Variants in SSBP3 observed in about 807,000 individuals in gnomAD.
SSBP3 encodes single stranded DNA binding protein 3, also known as single-stranded DNA-binding protein 3.
A neutral mutation model predicts 69.6 loss-of-function variants in SSBP3; 5 were observed. The observed-to-expected ratio is 0.07, with a 90% CI of 0.04 to 0.15. The LOEUF (loss-of-function observed/expected upper bound fraction) is 0.15, where lower values mean the gene tolerates loss of function less well. Among genes scored for constraint, SSBP3 ranks in the 10% least tolerant of loss-of-function variants. The probability of loss-of-function intolerance (pLI) is 1.00; values close to 1 mark genes in which losing one functional copy is unlikely to be tolerated. For missense variants in SSBP3, 312 were observed against 534.0 expected, an observed-to-expected ratio of 0.58 and a Z score of 4.10; for synonymous variants, 196 against 193.4, an observed-to-expected ratio of 1.01 and a Z score of -0.11.
chr1:54,401,777 C>G, intron 4 of SSBP3, 84 bp downstream of exon 4: 1 of 1,166,110 alleles, frequency 8.6e-7, no homozygotes, highest in Non-Finnish European at 1.3e-6. Context: ...CCACTGCGAA[C>G]TGGCTGTGTT....
chr1:54,308,907 CA>C (rs36005529), intron 4 of SSBP3, among the ~76,000 whole-genome samples: 87 of 144,722 alleles, frequency 6.0e-4, no homozygotes, highest in Non-Finnish European at 6.6e-4. Flanking sequence ...ACCTCCCCTG[CA>C]AAAAAAAAAA....
Position 54,378,169 on chromosome 1 carries a change from C to T in SSBP3, c.276+23692G>A, listed in dbSNP as rs1569988802. ...GGTGCCAGAGTTCCCATTTTTATAA[C>T]AAATGAACTGAATCCAGCCCAACTT... On this transcript the variant is annotated intron_variant, in intron 4 of 17. Coordinates refer to ENST00000610401, the Ensembl canonical transcript of SSBP3. Among the ~76,000 whole-genome samples, 3 of 152,318 alleles carry T rather than the reference C, an allele frequency of 2.0e-5. No homozygotes were observed. In the East Asian group the frequency reaches 5.8e-4, roughly 29 times the overall value.
Position 54,318,486 on chromosome 1 carries a change from A to G in SSBP3, c.277-36959T>C, listed in dbSNP as rs535092972. On this transcript the variant is annotated intron_variant, in intron 4 of 17. Transcript: ENST00000610401. ...CTTAACTGAGAAAGCAGCTTGAGCC[A>G]ATTCTGCTTTCCTCACAGACACCAA... Among the ~76,000 whole-genome samples, 8 of 152,144 alleles carry G rather than the reference A, an allele frequency of 5.3e-5. No individual in the cohort carries two copies. The East Asian group carries it at 1.4e-3, about 26-fold the overall frequency.
intron 4 of SSBP3, among the ~76,000 whole-genome samples, chr1:54,362,129 C>T (rs551917792): frequency 1.2e-4 from 19 of 152,324 alleles, no homozygotes; most frequent in Middle Eastern, 3.4e-3. Flanking sequence ...TAAGGACAAG[C>T]GTAGGAGACC....
chr1:54,331,262 A>G (rs1311587699), intron 4 of SSBP3, among the ~76,000 whole-genome samples: 1 of 151,964 alleles, frequency 6.6e-6, no homozygotes, highest in Non-Finnish European at 1.5e-5. Context: ...GCACACACAC[A>G]CTCCCTCAGA....
chr1:54,412,287 C>A (rs1650014339), intron 1 of SSBP3, among the ~76,000 whole-genome samples: 1 of 151,272 alleles, frequency 6.6e-6, no homozygotes, highest in Non-Finnish European at 1.5e-5. Flanking sequence ...CGAGATCATG[C>A]CACTGCACTC....
chr1:54,361,089 C>CA (rs1007878805), intron 4 of SSBP3, among the ~76,000 whole-genome samples: 5 of 151,356 alleles, frequency 3.3e-5, no homozygotes, highest in Non-Finnish European at 7.4e-5. Context: ...GACCCTGTCT[C>CA]AAAAAAAAGA....
intron 4 of SSBP3, among the ~76,000 whole-genome samples, chr1:54,345,999 A>AC (rs58891490): frequency 6.6e-6 from 1 of 150,528 alleles, no homozygotes; most frequent in Non-Finnish European, 1.5e-5. Context: ...AAAAAAAAAA[A>AC]CAAAACAAAA....
intron 4 of SSBP3, among the ~76,000 whole-genome samples, chr1:54,339,373 T>A (rs988263026): frequency 4.6e-5 from 7 of 152,168 alleles, no homozygotes; most frequent in African/African-American, 1.4e-4. Context: ...CAGCTAATGG[T>A]TAGAAGCGTG....
intron 9 of SSBP3, among the ~76,000 whole-genome samples, chr1:54,249,248 A>G (rs1159620843): frequency 1.3e-5 from 2 of 152,268 alleles, no homozygotes; most frequent in Non-Finnish European, 2.9e-5. Context: ...ACAAACTGTT[A>G]ATGACTTTGC....
chr1:54,386,495 G>A (rs913658521), intron 4 of SSBP3, among the ~76,000 whole-genome samples: 1 of 151,960 alleles, frequency 6.6e-6, no homozygotes, highest in Non-Finnish European at 1.5e-5. Flanking sequence ...AAGCAGCTCA[G>A]GTGTTCTCAC....
intron 4 of SSBP3, among the ~76,000 whole-genome samples, chr1:54,386,137 G>A (rs12045400): frequency 0.11 from 16,502 of 152,196 alleles, 1,042 homozygotes; most frequent in East Asian, 0.28. Context: ...CAGTTCTAGA[G>A]GCACAGATGT....
intron 4 of SSBP3, among the ~76,000 whole-genome samples, chr1:54,307,657 A>G (rs1298916783): frequency 2.0e-5 from 3 of 152,206 alleles, no homozygotes; most frequent in East Asian, 1.9e-4. Flanking sequence ...TACAGGTCAT[A>G]AAGACTTTGC....
rs781390606 is a variant in SSBP3, at chr1:54,227,186, G to A, written c.1138-26C>T. On this transcript the variant is annotated intron_variant, in intron 17 of 17. Coordinates refer to ENST00000610401, the Ensembl canonical transcript of SSBP3. ...CTGGAAAGGAGAAGCAGAGAAGGGGGGGGGGTGAGGATTGTGGGGAGGCCG... is the reference window on the plus strand; with the variant it reads ...CTGGAAAGGAGAAGCAGAGAAGGGGAGGGGGTGAGGATTGTGGGGAGGCCG... 35 of 1,143,690 alleles carry A rather than the reference G, an allele frequency of 3.1e-5. 8 individuals carry two copies. Among genetic ancestry groups the A allele is most frequent in the African/African-American group, 4.9e-5 (3 of 61,246 alleles). 70.8% of individuals were successfully genotyped at this position (1,143,690 alleles called of 1,614,324 possible).
At chr1:54,374,988 G>T (rs1391073623) in intron 4 of SSBP3, among the ~76,000 whole-genome samples, 1 of 152,234 alleles carries the variant, frequency 6.6e-6, no homozygotes. Flanking sequence ...CCCCGTCACT[G>T]TGGGAGTCTT....
intron 5 of SSBP3, among the ~76,000 whole-genome samples, chr1:54,265,636 T>C (rs1645088515): frequency 6.6e-6 from 1 of 152,114 alleles, no homozygotes; most frequent in African/African-American, 2.4e-5. Flanking sequence ...CTGGCAATGG[T>C]GTGGACCATC....
chr1:54,240,107 T>TGC (rs771724967), intron 13 of SSBP3, among the ~76,000 whole-genome samples: 44,096 of 134,152 alleles, frequency 0.33, 8,111 homozygotes, highest in East Asian at 0.47. Flanking sequence ...CGCGTGTGCG[T>TGC]GCGCGCGCGC....
Position 54,228,636 on chromosome 1 carries a change from G to A in SSBP3, c.1006+112C>T, listed in dbSNP as rs1415279226. Reference sequence around the variant, plus strand: ...CATCCCTCTCAGGATCGTCCTGTGTGCCCAGCCAAGGCCGGCCAGGGCTCT... The same window carrying A: ...CATCCCTCTCAGGATCGTCCTGTGTACCCAGCCAAGGCCGGCCAGGGCTCT... On this transcript the variant is annotated intron_variant, in intron 15 of 17. Coordinates refer to ENST00000610401, the Ensembl canonical transcript of SSBP3. 3.4e-6 allele frequency: 5 copies of A among 1,473,126 alleles called. No homozygotes were observed. The African/African-American group carries it at 7.0e-5, about 21-fold the overall frequency. 91.3% of individuals were successfully genotyped at this position (1,473,126 alleles called of 1,614,324 possible).
chr1:54,309,031 C>A (rs1333105747), intron 4 of SSBP3, among the ~76,000 whole-genome samples: 1 of 152,244 alleles, frequency 6.6e-6, no homozygotes, highest in Non-Finnish European at 1.5e-5. Flanking sequence ...TAATGCTCAT[C>A]TGATGAACTG....
Sources: gnomAD v4.1 joint callset for allele counts (sites outside exome capture counted in the v4.1 genomes callset) on GRCh38, gnomAD v4.1.1 for gene constraint, MANE v1.5 for transcripts, NCBI Gene and HGNC (gene_info 2026-07-23, HGNC 2026-07-21) for gene names.